Variants in MFHAS1 observed in about 807,000 individuals in gnomAD.
MFHAS1 encodes multifunctional ROCO family signaling regulator 1, also known as malignant fibrous histiocytoma-amplified sequence 1.
MFHAS1 carries 50 observed loss-of-function variants against 70.4 expected under a neutral mutation model. The observed-to-expected ratio is 0.71, with a 90% CI of 0.57 to 0.90. MFHAS1 has a LOEUF of 0.90. Among genes scored for constraint, MFHAS1 ranks in the 40% least tolerant of loss-of-function variants. The pLI, the probability that MFHAS1 is intolerant of heterozygous loss-of-function variation, is 0.00. For synonymous variants in MFHAS1, 952 were observed against 620.0 expected (o/e 1.54, Z -7.96); for missense variants, 1,795 against 1,347.6 (o/e 1.33, Z -5.20).
At position 8,892,325 on chromosome 8, in the gene MFHAS1, C is replaced by G. The variant is rs1247588481; in HGVS notation, c.734G>C (p.Gly245Ala). The G allele has an allele frequency of 6.2e-7, 1 of 1,612,166 alleles. No homozygotes were observed. The highest frequency in any genetic ancestry group is 8.5e-7 in the Non-Finnish European group (1 of 1,180,000). Reference sequence around the variant, plus strand: ...CTCCAAACTGGCCAGCTCGCAGAAGCCGGCGGGCAGCGTGCCAAGCTCGGC... The same window carrying G: ...CTCCAAACTGGCCAGCTCGCAGAAGGCGGCGGGCAGCGTGCCAAGCTCGGC... Reference protein sequence around the residue: ...SGAELGTLPAGFCELASLESL... With the variant: ...SGAELGTLPAAFCELASLESL... The change falls in exon 1 of 3, where the codon GGC becomes GCC. Residue 245 changes from glycine to alanine, a missense_variant. Coordinates refer to ENST00000276282, the MANE Select transcript of MFHAS1 (RefSeq NM_004225.3). The surrounding 1 kb of genome is among the most constrained non-coding windows in gnomAD (Gnocchi z 4.7).
intron 1 of MFHAS1, among the ~76,000 whole-genome samples, chr8:8,870,730 A>C (rs2116908234): frequency 6.6e-6 from 1 of 152,248 alleles, no homozygotes; most frequent in East Asian, 1.9e-4. Context: ...TTTATTACAC[A>C]GCCCTGCAAA....
chr8:8,874,668 C>T (rs749007785), intron 1 of MFHAS1, among the ~76,000 whole-genome samples: 1 of 151,888 alleles, frequency 6.6e-6, no homozygotes, highest in Non-Finnish European at 1.5e-5. Context: ...TGAAGAATCA[C>T]TATGTGATTC....
rs138275596 is a variant in MFHAS1 at position 8,828,908 on chromosome 8, T to C, written c.2999-31417A>G. The stretch of plus-strand genomic sequence containing the variant: ...CCCGCCCCTAGCTCAGTCCTTCATG[T>C]CTTTCCTTTAGATCAGGCTCTGTCA... On this transcript the variant is annotated intron_variant, in intron 1 of 2. Coordinates refer to ENST00000276282, the MANE Select transcript of MFHAS1 (RefSeq NM_004225.3). Among the ~76,000 whole-genome samples, 840 of 152,270 alleles carry C rather than the reference T, an allele frequency of 5.5e-3. 7 individuals carry two copies. Among genetic ancestry groups the C allele is most frequent in the African/African-American group, 0.019 (785 of 41,546 alleles).
At chr8:8,863,688 A>C (rs73525773) in intron 1 of MFHAS1, among the ~76,000 whole-genome samples, 6,312 of 152,178 alleles carry the variant, frequency 0.041, 380 homozygotes, top group African/African-American at 0.14. Flanking sequence ...CTGGTCCTTA[A>C]CCCAGACCAT....
intron 1 of MFHAS1, among the ~76,000 whole-genome samples, chr8:8,803,432 G>A (rs1455905835): frequency 2.0e-5 from 3 of 150,328 alleles, no homozygotes; most frequent in Non-Finnish European, 4.4e-5. Context: ...CAGAAGAATC[G>A]CTTGAACCCG....
At chr8:8,875,939 A>C (rs1445816126) in intron 1 of MFHAS1, among the ~76,000 whole-genome samples, 1 of 152,204 alleles carries the variant, frequency 6.6e-6, no homozygotes, top group Non-Finnish European at 1.5e-5. Context: ...TAAGGTGTTC[A>C]TATGAACAGA....
chr8:8,826,659 GA>G (rs899027503), intron 1 of MFHAS1, among the ~76,000 whole-genome samples: 57 of 152,344 alleles, frequency 3.7e-4, no homozygotes, highest in African/African-American at 1.3e-3. Context: ...CTTGAACCCA[GA>G]AGGTGGAGGC....
chr8:8,856,980 G>GGA (rs1491415848), intron 1 of MFHAS1, among the ~76,000 whole-genome samples: 69 of 53,388 alleles, frequency 1.3e-3, no homozygotes, highest in African/African-American at 5.1e-3. Context: ...TCAGGAAAGT[G>GGA]AAAAAAAAAA....
intron 1 of MFHAS1, among the ~76,000 whole-genome samples, chr8:8,849,140 G>A (rs1808147600): frequency 7.7e-6 from 1 of 129,752 alleles, no homozygotes. Context: ...AAGAGCAATG[G>A]CACGATCTCA....
intron 1 of MFHAS1, among the ~76,000 whole-genome samples, chr8:8,832,089 C>CACACACAA (rs1554481392): frequency 1.4e-4 from 21 of 151,230 alleles, no homozygotes; most frequent in African/African-American, 4.6e-4. Context: ...CACACACACA[C>CACACACAA]GCACCAAAGT....
At chr8:8,832,439 A>ACACACG (rs1807435923) in intron 1 of MFHAS1, among the ~76,000 whole-genome samples, 2 of 151,140 alleles carry the variant, frequency 1.3e-5, no homozygotes, top group African/African-American at 4.9e-5. Flanking sequence ...ACACACACAC[A>ACACACG]CACACACACA....
chr8:8,858,893 A>G (rs1157087169), intron 1 of MFHAS1, among the ~76,000 whole-genome samples: 1 of 152,228 alleles, frequency 6.6e-6, no homozygotes, highest in African/African-American at 2.4e-5. Context: ...TTCTCAGTCA[A>G]AAAAGACTAT....
intron 1 of MFHAS1, among the ~76,000 whole-genome samples, chr8:8,874,664 A>T (rs1311446748): frequency 6.6e-6 from 1 of 152,202 alleles, no homozygotes; most frequent in Non-Finnish European, 1.5e-5. Flanking sequence ...AGGGTGAAGA[A>T]TCACTATGTG....
chr8:8,875,159 G>A (rs1809242169), intron 1 of MFHAS1, among the ~76,000 whole-genome samples: 1 of 152,154 alleles, frequency 6.6e-6, no homozygotes, highest in Admixed American at 6.5e-5. Context: ...CAACGTAAAC[G>A]TGCATTGAGA....
chr8:8,888,262 G>A (rs1585074875), intron 1 of MFHAS1, among the ~76,000 whole-genome samples: 2 of 152,112 alleles, frequency 1.3e-5, no homozygotes, highest in South Asian at 2.1e-4. Flanking sequence ...CCAGGGCAAC[G>A]GAAAGATGTC....
Position 8,796,688 on chromosome 8 carries a change from C to CAAAAAA in MFHAS1, c.3125+671_3125+676dup, listed in dbSNP as rs55756300. ...GACAGAGCAAGACTCCGTCTCAAAA[C>CAAAAAA]AAAAAAAAAAAAAAAGGCAAAAAAA... On this transcript the variant is annotated intron_variant, in intron 2 of 2. Coordinates refer to ENST00000276282, the MANE Select transcript of MFHAS1 (RefSeq NM_004225.3). Among the ~76,000 whole-genome samples, 191 of 24,754 alleles carry CAAAAAA rather than the reference C, an allele frequency of 7.7e-3. 46 individuals are homozygous for CAAAAAA. Among genetic ancestry groups the CAAAAAA allele is most frequent in the African/African-American group, 0.031 (184 of 5,868 alleles). The allele number at this position is 24,754 out of a possible 152,430, so 16.2% of individuals were successfully genotyped here. A position where few individuals can be genotyped will look rare whatever the true frequency, so the allele number is the denominator to read the frequency against.
At position 8,893,061 on chromosome 8, in the gene MFHAS1, C is replaced by CG; in HGVS notation, c.-4dup. On this transcript the variant is annotated 5_prime_UTR_variant, in exon 1 of 3. Coordinates refer to ENST00000276282, the MANE Select transcript of MFHAS1 (RefSeq NM_004225.3). ...TTGCCACTGTCCATCCCAGCCATGG[C>CG]GGGGCCCCGGGCCGACAGCCTCACG... 1 of 1,486,710 alleles carries CG rather than the reference C, an allele frequency of 6.7e-7. No individual in the cohort carries two copies. Among genetic ancestry groups the CG allele is most frequent in the Non-Finnish European group, 8.9e-7 (1 of 1,126,762 alleles). 92.1% of individuals were successfully genotyped at this position (1,486,710 alleles called of 1,614,324 possible). A position where few individuals can be genotyped will look rare whatever the true frequency, so the allele number is the denominator to read the frequency against.
chr8:8,892,637 T>G lies in MFHAS1; in HGVS notation c.422A>C (p.Asn141Thr), dbSNP rs1411608354. 4 of 1,601,878 alleles carry G rather than the reference T, an allele frequency of 2.5e-6. No homozygotes were observed. In the East Asian group the frequency reaches 9.0e-5, roughly 36 times the overall value. The change falls in exon 1 of 3, where the codon AAC becomes ACC. Residue 141 changes from asparagine to threonine, a missense_variant. Coordinates refer to ENST00000276282, the MANE Select transcript of MFHAS1 (RefSeq NM_004225.3). The surrounding 1 kb of genome is among the most constrained non-coding windows in gnomAD (Gnocchi z 4.7). ...VSALRELRKL[N>T]LSHNQLPALP... Reference sequence around the variant, plus strand: ...GGCGGGCAGCTGGTTGTGGCTGAGGTTGAGCTTCCGCAGCTCCCTCAGAGC... The same window carrying G: ...GGCGGGCAGCTGGTTGTGGCTGAGGGTGAGCTTCCGCAGCTCCCTCAGAGC...
chr8:8,792,793 G>C (rs917092290), intron 2 of MFHAS1, among the ~76,000 whole-genome samples: 1 of 152,128 alleles, frequency 6.6e-6, no homozygotes, highest in African/African-American at 2.4e-5. Flanking sequence ...TCATTGCACA[G>C]GTGAATTTTC....
Sources: gnomAD v4.1 joint callset for allele counts (sites outside exome capture counted in the v4.1 genomes callset) on GRCh38, gnomAD v4.1.1 for gene constraint, Gnocchi (gnomAD v3.1) non-coding constraint, MANE v1.5 for transcripts, NCBI Gene and HGNC (gene_info 2026-07-23, HGNC 2026-07-21) for gene names.